The following DLG5 variants were observed in gnomAD, a reference collection of about 807,000 sequenced individuals.
DLG5 encodes the protein disks large homolog 5.
A neutral mutation model predicts 189.8 loss-of-function variants in DLG5; 48 were observed. The observed-to-expected ratio is 0.25, with a 90% CI of 0.20 to 0.32. The LOEUF is 0.32. Among genes scored for constraint, DLG5 ranks in the 10% least tolerant of loss-of-function variants. The pLI, the probability that DLG5 is intolerant of heterozygous loss-of-function variation, is 1.00. For missense variants in DLG5, 2,160 were observed against 2,544.7 expected (o/e 0.85, Z 3.25); for synonymous variants, 1,016 against 1,054.1 (o/e 0.96, Z 0.70).
intron 29 of DLG5, 86 bp from the exon 30 acceptor site, chr10:77,795,044 C>T: frequency 2.0e-6 from 2 of 992,426 alleles, no homozygotes; most frequent in African/African-American, 1.6e-5. Context: ...CCCACCTCAC[C>T]TCACAGGGCT....
chr10:77,813,973 CT>C (rs1033348355), intron 20 of DLG5, among the ~76,000 whole-genome samples: 1 of 151,886 alleles, frequency 6.6e-6, no homozygotes, highest in African/African-American at 2.4e-5. Context: ...CTGAGCTAAT[CT>C]TTTTTTTCTT....
intron 1 of DLG5, among the ~76,000 whole-genome samples, chr10:77,893,148 C>A (rs1338673608): frequency 3.3e-5 from 5 of 152,230 alleles, no homozygotes; most frequent in Non-Finnish European, 7.3e-5. Flanking sequence ...TAAACGTCAC[C>A]TTACCTACCC....
Position 77,832,949 on chromosome 10 carries a change from G to A in DLG5, c.1748+965C>T, listed in dbSNP as rs184667073. On this transcript the variant is annotated intron_variant, in intron 9 of 31. Coordinates refer to ENST00000372391, the MANE Select transcript of DLG5 (RefSeq NM_004747.4). ...ATAAATGGAGCTCTTTGTCTCATTA[G>A]GAATTTTACTGAATGGGAAAGAAGA... Among the ~76,000 whole-genome samples the A allele has an allele frequency of 1.3e-3, 193 of 152,190 alleles. 1 individual carries two copies. Among genetic ancestry groups the A allele is most frequent in the African/African-American group, 4.6e-3 (190 of 41,546 alleles).
intron 1 of DLG5, among the ~76,000 whole-genome samples, chr10:77,918,390 T>C (rs1383192017): frequency 6.6e-6 from 1 of 151,886 alleles, no homozygotes; most frequent in Non-Finnish European, 1.5e-5. Flanking sequence ...CCAGCCTAGG[T>C]GACAGAGTGA....
In DLG5 at chr10:77,856,721, A is replaced by T. The variant is rs540542529; in HGVS notation, c.536+9T>A. ...GGGGCCTGGGCAGGGGAGACGGCGC[A>T]ATTACTACCTCTTGTCAAAGGCCGT... On this transcript the variant is annotated intron_variant, in intron 3 of 31. Coordinates refer to ENST00000372391, the MANE Select transcript of DLG5 (RefSeq NM_004747.4). 1 of 1,611,070 alleles carries T rather than the reference A, an allele frequency of 6.2e-7. No individual in the cohort carries two copies. Among genetic ancestry groups the T allele is most frequent in the Non-Finnish European group, 8.5e-7 (1 of 1,178,248 alleles).
intron 2 of DLG5, 28 bp from the exon 3 acceptor site, chr10:77,856,920 T>G: frequency 6.3e-7 from 1 of 1,597,478 alleles, no homozygotes; most frequent in Non-Finnish European, 8.5e-7. Context: ...TAAAGTGAAC[T>G]TGTGTTCATC....
intron 1 of DLG5, among the ~76,000 whole-genome samples, chr10:77,920,157 A>G (rs566201264): frequency 1.3e-5 from 2 of 152,328 alleles, no homozygotes; most frequent in Admixed American, 6.5e-5. Context: ...TTCTGGTTCT[A>G]AGGCTAGTTG....
chr10:77,872,003 A>T (rs541926511), intron 1 of DLG5, among the ~76,000 whole-genome samples: 1 of 152,150 alleles, frequency 6.6e-6, no homozygotes, highest in Non-Finnish European at 1.5e-5. Flanking sequence ...CTCAACTACC[A>T]TTTTTTAAAT....
At chr10:77,801,151 G>C (rs976740347) in intron 27 of DLG5, among the ~76,000 whole-genome samples, 1 of 152,186 alleles carries the variant, frequency 6.6e-6, no homozygotes, top group African/African-American at 2.4e-5. Flanking sequence ...CACAGAAAGA[G>C]ACTCAGGGAT....
intron 13 of DLG5, among the ~76,000 whole-genome samples, chr10:77,826,305 C>T (rs182119385): frequency 2.6e-5 from 4 of 152,302 alleles, no homozygotes; most frequent in South Asian, 2.1e-4. Context: ...AGGAATGACA[C>T]GCAGTTATAT....
chr10:77,866,533 A>G (rs566295486), intron 2 of DLG5, among the ~76,000 whole-genome samples: 40 of 152,346 alleles, frequency 2.6e-4, no homozygotes, highest in Non-Finnish European at 3.7e-4. Flanking sequence ...CTCACCGCAG[A>G]TGGCTACAGA....
At chr10:77,865,876 C>CGACA (rs1043808565) in intron 2 of DLG5, among the ~76,000 whole-genome samples, 109 of 152,224 alleles carry the variant, frequency 7.2e-4, no homozygotes, top group Admixed American at 3.7e-3. Context: ...ATCCGAGACC[C>CGACA]GACAGACCGC....
intron 1 of DLG5, among the ~76,000 whole-genome samples, chr10:77,925,301 C>T (rs1329909642): frequency 2.0e-5 from 3 of 152,212 alleles, no homozygotes; most frequent in African/African-American, 7.2e-5. Context: ...CCTGCCACAA[C>T]AGTAGATGCC....
the DLG5 span, among the ~76,000 whole-genome samples, chr10:77,934,800 C>T: frequency 6.3e-4 from 96 of 151,932 alleles, no homozygotes; most frequent in Non-Finnish European, 1.2e-3. Context: ...CTGACCTGGA[C>T]CTGTCATCTA....
chr10:77,805,751 T>C lies in DLG5; in HGVS notation c.5078A>G (p.His1693Arg). 5.0e-6 allele frequency: 8 copies of C among 1,614,174 alleles called. No homozygotes were observed. The highest frequency in any genetic ancestry group is 1.1e-5 in the South Asian group (1 of 91,090). ...AARRSFFRRK[H>R]KHKRSGSKDG... The stretch of plus-strand genomic sequence containing the variant: ...CTTGGACCCGCTGCGTTTGTGCTTG[T>C]GTTTCCTCCGAAAAAAGGACCGGCG... The change falls in exon 27 of 32, where the codon CAC becomes CGC. Residue 1693 changes from histidine (H) to arginine (R), a missense_variant. His to Arg is a conservative substitution (Grantham distance 29). Transcript: ENST00000372391.
At chr10:77,882,258 C>T (rs1012574288) in intron 1 of DLG5, among the ~76,000 whole-genome samples, 2 of 152,224 alleles carry the variant, frequency 1.3e-5, no homozygotes, top group Admixed American at 6.5e-5. Flanking sequence ...CTGCTTTGGC[C>T]ACCTCCTAAT....
chr10:77,936,946 T>G, the DLG5 span, among the ~76,000 whole-genome samples: 2 of 151,940 alleles, frequency 1.3e-5, no homozygotes, highest in Non-Finnish European at 2.9e-5. Flanking sequence ...TCCCAAAGGA[T>G]TGACACTTTA....
chr10:77,824,456 G>T lies in DLG5; in HGVS notation c.2310C>A (p.Asp770Glu). The change falls in exon 14 of 32, where the codon GAC becomes GAA. Residue 770 changes from aspartate (D) to glutamate (E), a missense_variant. Physicochemically the swap from Asp to Glu is conservative, Grantham distance 45. Coordinates refer to ENST00000372391, the MANE Select transcript of DLG5 (RefSeq NM_004747.4). ...RIVAINGIAL[D>E]NKSLNECESL... ...ATTCACATTCATTCAGAGACTTGTT[G>T]TCCAGTGCAATGCCATTGATCTAGA... The T allele has an allele frequency of 3.1e-6, 5 of 1,613,992 alleles. No individual in the cohort carries two copies. Among genetic ancestry groups the T allele is most frequent in the Non-Finnish European group, 4.2e-6 (5 of 1,179,960 alleles).
chr10:77,862,004 T>C (rs934501729), intron 2 of DLG5, among the ~76,000 whole-genome samples: 2 of 151,980 alleles, frequency 1.3e-5, no homozygotes, highest in Non-Finnish European at 2.9e-5. Context: ...GGGGACCTCA[T>C]GACCAATCTC....
Sources: gnomAD v4.1 joint callset for allele counts (sites outside exome capture counted in the v4.1 genomes callset) on GRCh38, gnomAD v4.1.1 for gene constraint, MANE v1.5 for transcripts, NCBI Gene and HGNC (gene_info 2026-07-23, HGNC 2026-07-21) for gene names.